ROBO1: variants seen among roughly 807,000 people sequenced by gnomAD.
The protein encoded by ROBO1 is roundabout homolog 1.
In ROBO1, 149 loss-of-function variants were observed where a neutral mutation model predicts 195.9. That is an observed-to-expected ratio of 0.76 (90% CI 0.67 to 0.87). ROBO1 has a LOEUF of 0.87. Ranked by LOEUF, ROBO1 falls within the 40% of genes least tolerant of loss-of-function variation. ROBO1 has a pLI of 0.00. For missense variants in ROBO1, 1,933 were observed against 2,068.3 expected, an observed-to-expected ratio of 0.93 and a Z score of 1.27; for synonymous variants, 816 against 733.2, an observed-to-expected ratio of 1.11 and a Z score of -1.82.
At chr3:79,535,618 A>G (rs1941828192) in intron 2 of ROBO1, among the ~76,000 whole-genome samples, 1 of 152,178 alleles carries the variant, frequency 6.6e-6, no homozygotes, top group Non-Finnish European at 1.5e-5. Context: ...CATGATGTCA[A>G]TCCTAACCAA....
chr3:78,722,528 G>C (rs566379242), intron 5 of ROBO1, among the ~76,000 whole-genome samples: 1 of 152,200 alleles, frequency 6.6e-6, no homozygotes, highest in East Asian at 1.9e-4. Flanking sequence ...AACATTTTTA[G>C]TGAGAAAAAT....
chr3:78,665,304 G>A (rs79976443), intron 14 of ROBO1, among the ~76,000 whole-genome samples: 4,634 of 152,214 alleles, frequency 0.03, 109 homozygotes, highest in African/African-American at 0.068. Context: ...AACTGTATCC[G>A]TCAGTCGGTT....
intron 3 of ROBO1, among the ~76,000 whole-genome samples, chr3:79,072,984 G>A (rs1348152014): frequency 6.6e-6 from 1 of 151,940 alleles, no homozygotes; most frequent in East Asian, 1.9e-4. Flanking sequence ...GATGAGAATT[G>A]TAATGAAAAC....
At chr3:79,738,473 C>T (rs1177595535) in intron 1 of ROBO1, among the ~76,000 whole-genome samples, 1 of 152,150 alleles carries the variant, frequency 6.6e-6, no homozygotes, top group Non-Finnish European at 1.5e-5. Flanking sequence ...TCATGCTGAG[C>T]TTATTCACCA....
intron 5 of ROBO1, among the ~76,000 whole-genome samples, chr3:78,726,587 C>T (rs2082167203): frequency 6.6e-6 from 1 of 152,280 alleles, no homozygotes; most frequent in South Asian, 2.1e-4. Context: ...TTAAACAATT[C>T]ACCACTAACT....
At chr3:79,511,019 T>C (rs1399848414) in intron 2 of ROBO1, among the ~76,000 whole-genome samples, 3 of 152,164 alleles carry the variant, frequency 2.0e-5, no homozygotes, top group Non-Finnish European at 4.4e-5. Context: ...TTTTTTAATT[T>C]CACAAATTTG....
At chr3:79,409,682 T>C (rs750835460) in intron 2 of ROBO1, among the ~76,000 whole-genome samples, 14 of 152,150 alleles carry the variant, frequency 9.2e-5, no homozygotes, top group Non-Finnish European at 1.9e-4. Flanking sequence ...AAGATTTATT[T>C]GAATAGGAAA....
At chr3:78,926,398 G>A (rs894202229) in intron 4 of ROBO1, among the ~76,000 whole-genome samples, 1 of 152,204 alleles carries the variant, frequency 6.6e-6, no homozygotes, top group African/African-American at 2.4e-5. Flanking sequence ...AGGAAATGGA[G>A]ATAAGTGGGA....
intron 2 of ROBO1, among the ~76,000 whole-genome samples, chr3:79,428,620 T>C (rs2038548226): frequency 6.6e-6 from 1 of 152,146 alleles, no homozygotes; most frequent in African/African-American, 2.4e-5. Context: ...TCAGCAATTC[T>C]GCTCTTAGAA....
rs765827963 is a variant in ROBO1, at chr3:78,770,764, T to C, written c.500-23864A>G. On this transcript the variant is annotated intron_variant, in intron 4 of 30. Transcript: ENST00000464233. ...CTAGTATTCTTATACTTTGAGATTTTACATTTAAACCTTTAATCCAGATGG... is the reference window on the plus strand; with the variant it reads ...CTAGTATTCTTATACTTTGAGATTTCACATTTAAACCTTTAATCCAGATGG... Among the ~76,000 whole-genome samples the C allele has an allele frequency of 1.2e-4, 19 of 152,166 alleles. 1 individual carries two copies. Among genetic ancestry groups the C allele is most frequent in the Non-Finnish European group, 1.8e-4 (12 of 68,040 alleles).
intron 3 of ROBO1, among the ~76,000 whole-genome samples, chr3:79,085,903 C>G (rs1177594002): frequency 6.6e-6 from 1 of 152,056 alleles, no homozygotes. Context: ...TATATATTCT[C>G]TATAAGCAAA....
chr3:78,753,193 A>C (rs184798690), intron 4 of ROBO1, among the ~76,000 whole-genome samples: 2 of 152,338 alleles, frequency 1.3e-5, no homozygotes, highest in Admixed American at 1.3e-4. Flanking sequence ...GTTTATTTAC[A>C]TACTGTATGA....
intron 2 of ROBO1, among the ~76,000 whole-genome samples, chr3:79,327,267 A>G (rs2034250098): frequency 6.6e-6 from 1 of 152,020 alleles, no homozygotes; most frequent in African/African-American, 2.4e-5. Flanking sequence ...CAAGGTCATT[A>G]TTAAATATAA....
intron 2 of ROBO1, among the ~76,000 whole-genome samples, chr3:79,151,316 C>A (rs1437120187): frequency 2.0e-5 from 3 of 151,812 alleles, no homozygotes; most frequent in Non-Finnish European, 4.4e-5. Flanking sequence ...TCTACCTCAT[C>A]TTGCAAACCA....
intron 3 of ROBO1, among the ~76,000 whole-genome samples, chr3:79,072,787 T>C (rs1291600665): frequency 6.6e-6 from 1 of 151,978 alleles, no homozygotes; most frequent in Non-Finnish European, 1.5e-5. Context: ...CTGAATTATA[T>C]TGCTCATCTT....
chr3:79,486,477 C>T (rs999842240), intron 2 of ROBO1, among the ~76,000 whole-genome samples: 1 of 152,088 alleles, frequency 6.6e-6, no homozygotes, highest in Non-Finnish European at 1.5e-5. Flanking sequence ...TAGTTACTTG[C>T]TTATTTTCTG....
intron 4 of ROBO1, among the ~76,000 whole-genome samples, chr3:78,752,072 G>A (rs577077467): frequency 2.2e-4 from 33 of 152,082 alleles, no homozygotes; most frequent in South Asian, 4.2e-4. Context: ...AAATAAAGAC[G>A]AGGTAAATAA....
At chr3:78,726,314 T>C (rs1277880930) in intron 5 of ROBO1, among the ~76,000 whole-genome samples, 2 of 152,162 alleles carry the variant, frequency 1.3e-5, no homozygotes, top group African/African-American at 4.8e-5. Flanking sequence ...AAGACACACA[T>C]AGGCATCATC....
intron 9 of ROBO1, among the ~76,000 whole-genome samples, chr3:78,686,411 C>T (rs1347718707): frequency 6.6e-6 from 1 of 151,864 alleles, no homozygotes; most frequent in Admixed American, 6.6e-5. Context: ...AAAAAATTAG[C>T]CGGGCGTGGT....
Sources: gnomAD v4.1 joint callset for allele counts (sites outside exome capture counted in the v4.1 genomes callset) on GRCh38, gnomAD v4.1.1 for gene constraint, MANE v1.5 for transcripts, NCBI Gene and HGNC (gene_info 2026-07-23, HGNC 2026-07-21) for gene names.